RABGAP1L: variants seen among roughly 807,000 people sequenced by gnomAD.
RABGAP1L encodes the protein RAB GTPase activating protein 1 like, also known as rab GTPase-activating protein 1-like.
Under a neutral mutation model 137.7 loss-of-function variants are expected in RABGAP1L, and 63 were observed. That is an observed-to-expected ratio of 0.46 (90% CI 0.37 to 0.56). The LOEUF (loss-of-function observed/expected upper bound fraction) is 0.56, where lower values mean the gene tolerates loss of function less well. Ranked by LOEUF, RABGAP1L falls within the 20% of genes least tolerant of loss-of-function variation. RABGAP1L has a pLI of 0.00. For synonymous variants in RABGAP1L, 431 were observed against 433.7 expected (o/e 0.99, Z 0.08); for missense variants, 1,095 against 1,244.0 (o/e 0.88, Z 1.80).
At chr1:174,539,312 C>T (rs970876794) in intron 13 of RABGAP1L, among the ~76,000 whole-genome samples, 1 of 150,112 alleles carries the variant, frequency 6.7e-6, no homozygotes, top group African/African-American at 2.5e-5. Context: ...CTTTATTATA[C>T]GTTAAGTTCT....
chr1:174,426,905 G>A (rs541161305), intron 13 of RABGAP1L, among the ~76,000 whole-genome samples: 4 of 152,012 alleles, frequency 2.6e-5, no homozygotes, highest in Non-Finnish European at 4.4e-5. Context: ...GTAGAGATAC[G>A]TAACAGAAAG....
At chr1:174,628,646 G>A (rs1360136879) in intron 13 of RABGAP1L, among the ~76,000 whole-genome samples, 1 of 152,164 alleles carries the variant, frequency 6.6e-6, no homozygotes, top group Non-Finnish European at 1.5e-5. Context: ...TGAGGAAAGT[G>A]GAAATAGAAT....
At chr1:174,946,982 ATATATATG>A (rs1328658663) in intron 19 of RABGAP1L, among the ~76,000 whole-genome samples, 27 of 116,292 alleles carry the variant, frequency 2.3e-4, no homozygotes, top group African/African-American at 8.5e-4. Context: ...GTGTGTGTGT[ATATATATG>A]TATATATATA....
chr1:174,397,971 G>GT (rs1648081950), intron 13 of RABGAP1L, among the ~76,000 whole-genome samples: 1 of 152,110 alleles, frequency 6.6e-6, no homozygotes, highest in Non-Finnish European at 1.5e-5. Flanking sequence ...TTGTTTGTTT[G>GT]TTTTTTTAGT....
At chr1:174,631,402 A>G (rs9728814) in intron 13 of RABGAP1L, among the ~76,000 whole-genome samples, 17,598 of 99,252 alleles carry the variant, frequency 0.18, 1,989 homozygotes, top group African/African-American at 0.44. Flanking sequence ...GTAGATGTCT[A>G]TTAGGTCTGC....
At chr1:174,230,273 G>A (rs1168360227) in intron 3 of RABGAP1L, among the ~76,000 whole-genome samples, 1 of 151,532 alleles carries the variant, frequency 6.6e-6, no homozygotes, top group Admixed American at 6.6e-5. Flanking sequence ...GGGAGGGATA[G>A]CATTAGGAGA....
intron 13 of RABGAP1L, among the ~76,000 whole-genome samples, chr1:174,572,625 C>T (rs558962725): frequency 6.6e-6 from 1 of 152,272 alleles, no homozygotes; most frequent in African/African-American, 2.4e-5. Context: ...TCGTGATCTG[C>T]CCTCCTCTGC....
intron 19 of RABGAP1L, among the ~76,000 whole-genome samples, chr1:174,911,621 G>A (rs924804284): frequency 6.6e-6 from 1 of 152,036 alleles, no homozygotes; most frequent in Admixed American, 6.6e-5. Context: ...TCAAATACTC[G>A]TATATGTAAT....
At chr1:174,229,769 T>C (rs1670479501) in intron 3 of RABGAP1L, among the ~76,000 whole-genome samples, 1 of 152,200 alleles carries the variant, frequency 6.6e-6, no homozygotes, top group South Asian at 2.1e-4. Context: ...TATAATACTT[T>C]GGGTATATAC....
chr1:174,211,739 C>G (rs1218295964), intron 1 of RABGAP1L, among the ~76,000 whole-genome samples: 1 of 152,028 alleles, frequency 6.6e-6, no homozygotes, highest in Non-Finnish European at 1.5e-5. Flanking sequence ...ATGAAACATA[C>G]TTTACCTGTA....
At chr1:174,320,733 A>C (rs184291405) in intron 11 of RABGAP1L, among the ~76,000 whole-genome samples, 1 of 152,190 alleles carries the variant, frequency 6.6e-6, no homozygotes, top group Non-Finnish European at 1.5e-5. Flanking sequence ...GGGATTTCCT[A>C]TGCCTGTCTT....
At chr1:174,433,588 T>C (rs1004321984) in intron 13 of RABGAP1L, among the ~76,000 whole-genome samples, 1 of 152,214 alleles carries the variant, frequency 6.6e-6, no homozygotes, top group African/African-American at 2.4e-5. Flanking sequence ...ATTTGATATG[T>C]CTTTTCTCAG....
intron 12 of RABGAP1L, among the ~76,000 whole-genome samples, chr1:174,380,654 T>C (rs1158701442): frequency 2.6e-5 from 4 of 151,620 alleles, no homozygotes; most frequent in Non-Finnish European, 4.4e-5. Flanking sequence ...TCATTTTTTA[T>C]TGTGTCTATT....
Position 174,878,549 on chromosome 1 carries a change from A to G in RABGAP1L, c.2340+66589A>G, listed in dbSNP as rs75757747. Among the ~76,000 whole-genome samples, 1,044 of 152,274 alleles carry G rather than the reference A, an allele frequency of 6.9e-3. 13 individuals carry two copies. Among genetic ancestry groups the G allele is most frequent in the African/African-American group, 0.024 (983 of 41,556 alleles). ...CCCCAAAATCAACTTTTTAACTACA[A>G]TTGTAGTAACTTCTTATTATATTTA... is the stretch of plus-strand genomic sequence containing the variant. On this transcript the variant is annotated intron_variant, in intron 19 of 25. Transcript: ENST00000681986.
At chr1:174,168,928 G>T (rs572365423) in intron 1 of RABGAP1L, among the ~76,000 whole-genome samples, 1 of 152,298 alleles carries the variant, frequency 6.6e-6, no homozygotes, top group South Asian at 2.1e-4. Context: ...TATAGATGTG[G>T]TGAAGTCTGG....
chr1:174,770,707 C>G (rs1173492839), intron 18 of RABGAP1L, among the ~76,000 whole-genome samples: 2 of 152,204 alleles, frequency 1.3e-5, no homozygotes, highest in Admixed American at 1.3e-4. Flanking sequence ...CTGTCTTCAT[C>G]CTCTTCTGCT....
chr1:174,218,574 A>C (rs775959278), intron 1 of RABGAP1L, among the ~76,000 whole-genome samples: 5 of 152,186 alleles, frequency 3.3e-5, no homozygotes, highest in Non-Finnish European at 5.9e-5. Context: ...ATAAGTGATA[A>C]TGTGTCAGGA....
intron 13 of RABGAP1L, among the ~76,000 whole-genome samples, chr1:174,576,586 A>G (rs935510946): frequency 1.3e-5 from 2 of 152,318 alleles, no homozygotes; most frequent in Admixed American, 1.3e-4. Context: ...GAAGCATTTC[A>G]TCTTTTATTC....
intron 13 of RABGAP1L, among the ~76,000 whole-genome samples, chr1:174,522,622 AT>A (rs1259875712): frequency 4.6e-5 from 7 of 152,224 alleles, no homozygotes; most frequent in African/African-American, 1.7e-4. Context: ...AGGCTGTGTA[AT>A]TTATAAAGAA....
Sources: allele counts gnomAD v4.1 joint callset (sites outside exome capture counted in the v4.1 genomes callset), GRCh38; gene constraint gnomAD v4.1.1; transcripts MANE v1.5; gene names NCBI Gene and HGNC (gene_info 2026-07-23, HGNC 2026-07-21).